ZNF516: variants seen among roughly 807,000 people sequenced by gnomAD.
The protein encoded by ZNF516 is zinc finger protein 516.
ZNF516 carries 19 observed loss-of-function variants against 79.7 expected under a neutral mutation model. That is an observed-to-expected ratio of 0.24 (90% CI 0.17 to 0.35). ZNF516 has a LOEUF of 0.35. ZNF516 is among the 10% of genes least tolerant of loss of function. ZNF516 has a pLI of 1.00. For missense variants in ZNF516, 1,678 were observed against 1,679.5 expected (o/e 1.00, Z 0.02); for synonymous variants, 877 against 739.5 (o/e 1.19, Z -3.02).
At chr18:76,441,132 C>A (rs2075812062) in intron 3 of ZNF516, 113 bp downstream of exon 3, 2 of 1,409,364 alleles carry the variant, frequency 1.4e-6, no homozygotes, top group African/African-American at 1.5e-5. Context: ...GAGTAAAGGG[C>A]CACCGGGTAA....
At chr18:76,417,917 CA>C (rs1171400834) in intron 3 of ZNF516, among the ~76,000 whole-genome samples, 1 of 152,180 alleles carries the variant, frequency 6.6e-6, no homozygotes, top group Non-Finnish European at 1.5e-5. Flanking sequence ...AGTTATCTTA[CA>C]AAGGATTCTC....
chr18:76,369,143 C>T lies in ZNF516; in HGVS notation c.3432+1385G>A, dbSNP rs77790215. On this transcript the variant is annotated intron_variant, in intron 6 of 6. Transcript: ENST00000443185. ...ACATCCCACAAACACATCACGGTGA[C>T]TGTTTGTGGCAAGAGGGTTTTATTT... Among the ~76,000 whole-genome samples, 920 of 152,318 alleles carry T rather than the reference C, an allele frequency of 6.0e-3. 10 individuals carry two copies. Among genetic ancestry groups the T allele is most frequent in the African/African-American group, 0.021 (867 of 41,570 alleles).
intron 2 of ZNF516, among the ~76,000 whole-genome samples, chr18:76,444,814 G>A (rs1325152951): frequency 1.3e-5 from 2 of 152,218 alleles, no homozygotes; most frequent in Non-Finnish European, 2.9e-5. Context: ...ATAACAGCAA[G>A]ACAGGAGCCT....
rs111553789 is a variant in ZNF516 at position 76,379,579 on chromosome 18, C to G, written c.2535G>C (p.Pro845=). The G allele has an allele frequency of 6.2e-7, 1 of 1,613,518 alleles. No homozygotes were observed. Among genetic ancestry groups the G allele is most frequent in the Non-Finnish European group, 8.5e-7 (1 of 1,179,906 alleles). The part of the protein sequence containing the change: ...FTRTQVPGGM[P]GSKSGSSPLG... Reference sequence around the variant, plus strand: ...GGGGAGAAGAGCCACTTTTGGACCCCGGCATCCCCCCTGGCACCTGAGTGC... The same window carrying G: ...GGGGAGAAGAGCCACTTTTGGACCCGGGCATCCCCCCTGGCACCTGAGTGC... The change falls in exon 4 of 7, where the codon CCG becomes CCC. Residue 845 remains proline, a synonymous_variant. Coordinates refer to ENST00000443185, the MANE Select transcript of ZNF516 (RefSeq NM_014643.4).
intron 1 of ZNF516, among the ~76,000 whole-genome samples, chr18:76,468,559 G>A (rs573656053): frequency 1.3e-5 from 2 of 151,998 alleles, no homozygotes; most frequent in South Asian, 4.2e-4. Context: ...TGGGACTACA[G>A]GTGTGCACCA....
chr18:76,421,212 A>C (rs535345288), intron 3 of ZNF516, among the ~76,000 whole-genome samples: 2 of 152,356 alleles, frequency 1.3e-5, no homozygotes, highest in African/African-American at 4.8e-5. Context: ...TTCTGCGTTT[A>C]GGCTGGTGCA....
intron 1 of ZNF516, among the ~76,000 whole-genome samples, chr18:76,494,613 C>T (rs972972830): frequency 6.6e-6 from 1 of 152,132 alleles, no homozygotes; most frequent in African/African-American, 2.4e-5. Context: ...TAGGCAGCAG[C>T]GCGCGGTGCC....
chr18:76,443,051 C>T lies in ZNF516; in HGVS notation c.4G>A (p.Asp2Asn). 1 of 1,587,466 alleles carries T rather than the reference C, an allele frequency of 6.3e-7. No homozygotes were observed. The highest frequency in any genetic ancestry group is 8.5e-7 in the Non-Finnish European group (1 of 1,172,868). M[D>N]RNREAEMELR... ...TCCATCTCGGCCTCTCTGTTGCGAT[C>T]CATCCGAAGGACGGGCGCGGCCGGT... Residue 2 changes from aspartate (D) to asparagine (N), a missense_variant, in exon 3 of 7, where the codon GAT becomes AAT. Transcript: ENST00000443185.
intron 1 of ZNF516, among the ~76,000 whole-genome samples, chr18:76,482,312 C>T (rs927849137): frequency 1.6e-4 from 25 of 152,280 alleles, no homozygotes; most frequent in African/African-American, 6.0e-4. Flanking sequence ...TTCCATTGCC[C>T]GTTCTTTATT....
chr18:76,383,909 G>A (rs2074936181), intron 3 of ZNF516, among the ~76,000 whole-genome samples: 1 of 152,206 alleles, frequency 6.6e-6, no homozygotes, highest in Admixed American at 6.5e-5. Context: ...CCAATCATGG[G>A]AATAAACTAC....
intron 3 of ZNF516, among the ~76,000 whole-genome samples, chr18:76,440,761 T>TGTGTGTGTGCGCGC (rs571461431): frequency 2.0e-5 from 3 of 150,144 alleles, no homozygotes; most frequent in African/African-American, 7.4e-5. Context: ...TGTGTGTGTG[T>TGTGTGTGTGCGCGC]GCGCGCACGC....
Position 76,479,488 on chromosome 18 carries a change from C to T in ZNF516, c.-272+15656G>A, listed in dbSNP as rs920429768. On this transcript the variant is annotated intron_variant, in intron 1 of 6. Transcript: ENST00000443185. ...ATTGTCCAAAGGTGTCCCTGGGGCA[C>T]GGTCCTCTCCTAACCCCTGGGGCAG... Among the ~76,000 whole-genome samples, 5 of 152,308 alleles carry T rather than the reference C, an allele frequency of 3.3e-5. No individual in the cohort carries two copies. The East Asian group carries it at 7.7e-4, about 24-fold the overall frequency.
At chr18:76,425,650 G>A (rs773589423) in intron 3 of ZNF516, among the ~76,000 whole-genome samples, 81 of 152,320 alleles carry the variant, frequency 5.3e-4, no homozygotes, top group Non-Finnish European at 8.1e-4. Flanking sequence ...AATTCAGGAG[G>A]TATGCTCATG....
Position 76,402,380 on chromosome 18 carries a change from C to T in ZNF516, c.1811-22077G>A, listed in dbSNP as rs2075242270. On this transcript the variant is annotated intron_variant, in intron 3 of 6. Transcript: ENST00000443185. ...GGTCCCACAGGCCCCTTCAGCTTTA[C>T]CATCCTAAGATGCCTAGGTCCGAGG... Among the ~76,000 whole-genome samples the T allele has an allele frequency of 2.1e-5, 3 of 143,708 alleles. No individual in the cohort carries two copies. The South Asian group carries it at 7.3e-4, about 35-fold the overall frequency. 94.3% of individuals were successfully genotyped at this position (143,708 alleles called of 152,430 possible).
intron 6 of ZNF516, among the ~76,000 whole-genome samples, chr18:76,367,796 C>T (rs1384424610): frequency 6.6e-6 from 1 of 152,182 alleles, no homozygotes; most frequent in South Asian, 2.1e-4. Flanking sequence ...GCCTGGCACG[C>T]AGTGGGTGGT....
chr18:76,431,250 G>GACACAC (rs71991368), intron 3 of ZNF516, among the ~76,000 whole-genome samples: 6 of 150,288 alleles, frequency 4.0e-5, no homozygotes, highest in Admixed American at 2.7e-4. Flanking sequence ...CAGAGACGAG[G>GACACAC]ACACACACAC....
At chr18:76,401,997 G>A (rs962536746) in intron 3 of ZNF516, among the ~76,000 whole-genome samples, 1 of 148,966 alleles carries the variant, frequency 6.7e-6, no homozygotes, top group African/African-American at 2.4e-5. Context: ...GTGTGTACGC[G>A]CGTGTGTACA....
At chr18:76,445,095 T>TA (rs1332970141) in intron 2 of ZNF516, among the ~76,000 whole-genome samples, 2 of 151,848 alleles carry the variant, frequency 1.3e-5, no homozygotes, top group African/African-American at 4.8e-5. Context: ...CTTGCTCCAA[T>TA]AAAAAACAAC....
At chr18:76,436,219 C>G (rs1477682213) in intron 3 of ZNF516, among the ~76,000 whole-genome samples, 1 of 152,220 alleles carries the variant, frequency 6.6e-6, no homozygotes, top group Non-Finnish European at 1.5e-5. Flanking sequence ...CCCAATGCCA[C>G]CAAGACCCCC....
Sources: allele counts gnomAD v4.1 joint callset (sites outside exome capture counted in the v4.1 genomes callset), GRCh38; gene constraint gnomAD v4.1.1; transcripts MANE v1.5; gene names NCBI Gene and HGNC (gene_info 2026-07-23, HGNC 2026-07-21).